ERVFRD-1: variants seen among roughly 807,000 people sequenced by gnomAD.
ERVFRD-1 encodes endogenous retrovirus group FRD member 1, envelope.
ERVFRD-1 carries 33 observed loss-of-function variants against 43.8 expected under a neutral mutation model. The observed-to-expected ratio is 0.75, with a 90% CI of 0.57 to 1.01. ERVFRD-1 has a LOEUF of 1.01. ERVFRD-1 is among the 50% of genes least tolerant of loss of function. The pLI, the probability that ERVFRD-1 is intolerant of heterozygous loss-of-function variation, is 0.00. For synonymous variants in ERVFRD-1, 239 were observed against 244.4 expected (o/e 0.98, Z 0.21); for missense variants, 568 against 658.4 (o/e 0.86, Z 1.50).
chr6:11,104,325 G>A lies in ERVFRD-1; in HGVS notation c.986C>T (p.Ala329Val). 6.4e-7 allele frequency: 1 copy of A among 1,551,742 alleles called. No individual in the cohort carries two copies. The change falls in exon 2 of 2, where the codon GCC (alanine) becomes GTC (valine). Residue 329 changes from alanine to valine, a missense_variant. Ala to Val is a moderately conservative substitution (Grantham distance 64, BLOSUM62 0). Coordinates refer to ENST00000472091, the MANE Select transcript of ERVFRD-1 (RefSeq NM_207582.3). ...IGYVTPDIFI[A>V]PGNLSLPIPI... Reference sequence around the variant, plus strand: ...TATTGGAAGAGAGAGATTGCCAGGGGCTATGAAGATGTCTGGGGTTACATA... The same window carrying A: ...TATTGGAAGAGAGAGATTGCCAGGGACTATGAAGATGTCTGGGGTTACATA...
chr6:11,105,764 T>G (rs1428167885), intron 1 of ERVFRD-1, 134 bp from the exon 2 acceptor site: 2 of 160,468 alleles, frequency 1.2e-5, no homozygotes, highest in Admixed American at 1.2e-4. Flanking sequence ...ATTTTTCCCC[T>G]TCAGATTTCA....
chr6:11,105,140 A>C lies in ERVFRD-1; in HGVS notation c.171T>G (p.Ala57=), dbSNP rs1758065906. The C allele has an allele frequency of 6.2e-7, 1 of 1,614,104 alleles. No individual in the cohort carries two copies. The highest frequency in any genetic ancestry group is 1.3e-5 in the African/African-American group (1 of 74,922). The change falls in exon 2 of 2, where the codon GCT becomes GCG. Residue 57 remains alanine, a synonymous_variant. Coordinates refer to ENST00000472091, the MANE Select transcript of ERVFRD-1 (RefSeq NM_207582.3). ...TCCATTCTCTGGGCGAGGCTGGATA[A>C]GCTGTCCCTGGTGTTTCAGTGGAAG... The part of the protein sequence containing the change: ...TSSSTETPGT[A]YPASPREWTS...
Position 11,104,248 on chromosome 6 carries a change from T to G in ERVFRD-1, c.1063A>C (p.Ile355Leu). 1 of 1,551,622 alleles carries G rather than the reference T, an allele frequency of 6.4e-7. No homozygotes were observed. Among genetic ancestry groups the G allele is most frequent in the African/African-American group, 1.4e-5 (1 of 73,126 alleles). Residue 355 changes from isoleucine to leucine, a missense_variant, in exon 2 of 2, where the codon ATT becomes CTT. By Grantham distance (5) the Ile-to-Leu change is conservative. Transcript: ENST00000472091. ...ATGCCGAGTCCCGCGAGAAGGGGAA[T>G]GAAATGGATTGCCCTCCTCACCCTG... The part of the protein sequence containing the change: ...LPRVRRAIHF[I>L]PLLAGLGILA...
Position 11,104,909 on chromosome 6 carries a change from T to G in ERVFRD-1, c.402A>C (p.Gly134=). Residue 134 remains glycine (G), a synonymous_variant, in exon 2 of 2, where the codon GGA becomes GGC. Coordinates refer to ENST00000472091, the MANE Select transcript of ERVFRD-1 (RefSeq NM_207582.3). ...TACTTGGAAGAGTGCCTACATTTGTTCCATTTTTCCTTTTGGCCATAACAC... is the reference window on the plus strand; with the variant it reads ...TACTTGGAAGAGTGCCTACATTTGTGCCATTTTTCCTTTTGGCCATAACAC... ...PICVMAKRKN[G]TNVGTLPSTV... is the part of the protein sequence containing the mutation. 6.2e-7 allele frequency: 1 copy of G among 1,614,242 alleles called. No individual in the cohort carries two copies. Among genetic ancestry groups the G allele is most frequent in the Non-Finnish European group, 8.5e-7 (1 of 1,180,046 alleles).
chr6:11,104,579 C>T lies in ERVFRD-1; in HGVS notation c.732G>A (p.Lys244=), dbSNP rs1758054624. The T allele has an allele frequency of 6.2e-7, 1 of 1,612,512 alleles. No individual in the cohort carries two copies. Among genetic ancestry groups the T allele is most frequent in the Non-Finnish European group, 8.5e-7 (1 of 1,179,192 alleles). Residue 244 remains lysine, a synonymous_variant, in exon 2 of 2, where the codon AAG becomes AAA. Coordinates refer to ENST00000472091, the MANE Select transcript of ERVFRD-1 (RefSeq NM_207582.3). Reference sequence around the variant, plus strand: ...AGGGTGTTTGGCTCTGGTTAGCTCCCTTGGTTTTATTTTCCCAAAAAAGAG... The same window carrying T: ...AGGGTGTTTGGCTCTGGTTAGCTCCTTTGGTTTTATTTTCCCAAAAAAGAG... The part of the protein sequence containing the change: ...RNSLFWENKT[K]GANQSQTPCV...
At chr6:11,107,197 A>G (rs1386296499) in intron 1 of ERVFRD-1, among the ~76,000 whole-genome samples, 1 of 152,224 alleles carries the variant, frequency 6.6e-6, no homozygotes, top group Non-Finnish European at 1.5e-5. Context: ...AGTATCTCAC[A>G]ACACAAATGT....
At position 11,102,664 on chromosome 6, in the gene ERVFRD-1, A is replaced by G. The variant is rs953457873; in HGVS notation, c.*1030T>C. The stretch of plus-strand genomic sequence containing the variant: ...TTGAAAGGACCTAGTTAGAGGTTAG[A>G]TGGTGGTTTCTAATTGGTTAAGCTT... On this transcript the variant is annotated 3_prime_UTR_variant, in exon 2 of 2. Transcript: ENST00000472091. 1.3e-5 allele frequency: 2 copies of G among 152,196 alleles called. No individual in the cohort carries two copies. The highest frequency in any genetic ancestry group is 2.9e-5 in the Non-Finnish European group (2 of 68,042). The allele number at this position is 152,196 out of a possible 1,614,324, so 9.4% of individuals were successfully genotyped here.
Position 11,104,292 on chromosome 6 carries a change from T to A in ERVFRD-1, c.1019A>T (p.Tyr340Phe). 1 of 1,551,704 alleles carries A rather than the reference T, an allele frequency of 6.4e-7. No individual in the cohort carries two copies. Among genetic ancestry groups the A allele is most frequent in the East Asian group, 2.4e-5 (1 of 40,920 alleles). Residue 340 changes from tyrosine (Y) to phenylalanine (F), a missense_variant, in exon 2 of 2, where the codon TAT (tyrosine) becomes TTT (phenylalanine). Physicochemically the swap from Tyr to Phe is conservative, Grantham distance 22. Coordinates refer to ENST00000472091, the MANE Select transcript of ERVFRD-1 (RefSeq NM_207582.3). Reference sequence around the variant, plus strand: ...CACCCTGGGCAACGGGGAATTCCCATAGATTGGTATTGGAAGAGAGAGATT... The same window carrying A: ...CACCCTGGGCAACGGGGAATTCCCAAAGATTGGTATTGGAAGAGAGAGATT... The part of the protein sequence containing the change: ...PGNLSLPIPI[Y>F]GNSPLPRVRR...
At chr6:11,111,440 T>C (rs6923081) in intron 1 of ERVFRD-1, among the ~76,000 whole-genome samples, 117,267 of 152,046 alleles carry the variant, frequency 0.77, 45,959 homozygotes, top group African/African-American at 0.91. Flanking sequence ...GCCTCCTGTC[T>C]GGGGGGGCCA....
At position 11,104,279 on chromosome 6, in the gene ERVFRD-1, C is replaced by T. The variant is rs368215241; in HGVS notation, c.1032G>A (p.Pro344=). 76 of 1,551,626 alleles carry T rather than the reference C, an allele frequency of 4.9e-5. No homozygotes were observed. The South Asian group carries it at 5.4e-4, about 11-fold the overall frequency. The change falls in exon 2 of 2, where the codon CCG becomes CCA. Residue 344 remains proline, a synonymous_variant. Transcript: ENST00000472091. ...GGATTGCCCTCCTCACCCTGGGCAA[C>T]GGGGAATTCCCATAGATTGGTATTG... ...SLPIPIYGNS[P]LPRVRRAIHF...
rs187984981 is a variant in ERVFRD-1 at position 11,103,245 on chromosome 6, T to G, written c.*449A>C. The G allele has an allele frequency of 8.7e-4, 143 of 164,572 alleles. No homozygotes were observed. Among genetic ancestry groups the G allele is most frequent in the African/African-American group, 3.2e-3 (133 of 41,882 alleles). 10.2% of individuals were successfully genotyped at this position (164,572 alleles called of 1,614,324 possible). A position where few individuals can be genotyped will look rare whatever the true frequency, so the allele number is the denominator to read the frequency against. On this transcript the variant is annotated 3_prime_UTR_variant, in exon 2 of 2. Coordinates refer to ENST00000472091, the MANE Select transcript of ERVFRD-1 (RefSeq NM_207582.3). ...GAGCCTGCGCACCCAACTCCTGAGATCTTATCAGGAAGTGGCTGATCACCA... is the reference window on the plus strand; with the variant it reads ...GAGCCTGCGCACCCAACTCCTGAGAGCTTATCAGGAAGTGGCTGATCACCA...
Position 11,111,661 on chromosome 6 carries a change from CG to C in ERVFRD-1, c.-321+15del, listed in dbSNP as rs1386812099. 2 of 152,276 alleles carry C rather than the reference CG, an allele frequency of 1.3e-5. No homozygotes were observed. The highest frequency in any genetic ancestry group is 4.8e-5 in the African/African-American group (2 of 41,452). The allele number at this position is 152,276 out of a possible 1,614,324, so 9.4% of individuals were successfully genotyped here. A position where few individuals can be genotyped will look rare whatever the true frequency, so the allele number is the denominator to read the frequency against. On this transcript the variant is annotated intron_variant, in intron 1 of 1. Transcript: ENST00000472091. ...ACGCCTCCAGCCGAAGAAGGCAAGG[CG>C]TAGAGGTGTCTTACCACTAGGGAAG...
chr6:11,108,142 A>G (rs1758114417), intron 1 of ERVFRD-1, among the ~76,000 whole-genome samples: 1 of 152,200 alleles, frequency 6.6e-6, no homozygotes, highest in Non-Finnish European at 1.5e-5. Flanking sequence ...TGGCATCACT[A>G]AAAATGAATG....
At chr6:11,109,438 A>T (rs1203202841) in intron 1 of ERVFRD-1, among the ~76,000 whole-genome samples, 5 of 152,108 alleles carry the variant, frequency 3.3e-5, no homozygotes, top group African/African-American at 1.2e-4. Flanking sequence ...GGAGACTTCG[A>T]TATAATTGGG....
chr6:11,104,308 G>A lies in ERVFRD-1; in HGVS notation c.1003C>T (p.Leu335Phe), dbSNP rs1436702932. The change falls in exon 2 of 2, where the codon CTT becomes TTT. Residue 335 changes from leucine to phenylalanine, a missense_variant. By Grantham distance (22) the Leu-to-Phe change is conservative (BLOSUM62 0). Coordinates refer to ENST00000472091, the MANE Select transcript of ERVFRD-1 (RefSeq NM_207582.3). ...DIFIAPGNLS[L>F]PIPIYGNSPL... ...GAATTCCCATAGATTGGTATTGGAA[G>A]AGAGAGATTGCCAGGGGCTATGAAG... 1.3e-6 allele frequency: 2 copies of A among 1,551,742 alleles called. No homozygotes were observed. The highest frequency in any genetic ancestry group is 1.7e-6 in the Non-Finnish European group (2 of 1,147,000).
At chr6:11,110,139 A>G (rs746908740) in intron 1 of ERVFRD-1, among the ~76,000 whole-genome samples, 1 of 152,190 alleles carries the variant, frequency 6.6e-6, no homozygotes, top group Non-Finnish European at 1.5e-5. Flanking sequence ...TCCTGTGCCT[A>G]TGGCAGACTA....
In ERVFRD-1 at chr6:11,104,341, G is replaced by A; in HGVS notation, c.970C>T (p.Pro324Ser). The change falls in exon 2 of 2, where the codon CCA (proline) becomes TCA (serine). Residue 324 changes from proline (P) to serine (S), a missense_variant. Coordinates refer to ENST00000472091, the MANE Select transcript of ERVFRD-1 (RefSeq NM_207582.3). ...TTGCCAGGGGCTATGAAGATGTCTG[G>A]GGTTACATAGCCTATGGTACAAGTT... is the stretch of plus-strand genomic sequence containing the variant. ...TGTCTIGYVT[P>S]DIFIAPGNLS... 1 of 1,551,706 alleles carries A rather than the reference G, an allele frequency of 6.4e-7. No individual in the cohort carries two copies. Among genetic ancestry groups the A allele is most frequent in the Non-Finnish European group, 8.7e-7 (1 of 1,147,002 alleles).
At position 11,104,239 on chromosome 6, in the gene ERVFRD-1, G is replaced by A. The variant is rs531804739; in HGVS notation, c.1072C>T (p.Leu358Phe). 6.4e-7 allele frequency: 1 copy of A among 1,551,732 alleles called. No homozygotes were observed. The highest frequency in any genetic ancestry group is 1.4e-5 in the African/African-American group (1 of 73,178). ...VRRAIHFIPL[L>F]AGLGILAGTG... Reference sequence around the variant, plus strand: ...CCAGCTAGAATGCCGAGTCCCGCGAGAAGGGGAATGAAATGGATTGCCCTC... The same window carrying A: ...CCAGCTAGAATGCCGAGTCCCGCGAAAAGGGGAATGAAATGGATTGCCCTC... The change falls in exon 2 of 2, where the codon CTC (leucine) becomes TTC (phenylalanine). Residue 358 changes from leucine (L) to phenylalanine (F), a missense_variant. Coordinates refer to ENST00000472091, the MANE Select transcript of ERVFRD-1 (RefSeq NM_207582.3).
At chr6:11,107,094 C>T (rs1477350251) in intron 1 of ERVFRD-1, among the ~76,000 whole-genome samples, 2 of 152,182 alleles carry the variant, frequency 1.3e-5, no homozygotes, top group Non-Finnish European at 2.9e-5. Context: ...AGCTCTATCC[C>T]TGACAAAGCT....
Sources: allele counts gnomAD v4.1 joint callset (sites outside exome capture counted in the v4.1 genomes callset), GRCh38; gene constraint gnomAD v4.1.1; transcripts MANE v1.5; gene names NCBI Gene and HGNC (gene_info 2026-07-23, HGNC 2026-07-21).